Variants in GPD2 observed in about 807,000 individuals in gnomAD.
The protein encoded by GPD2 is glycerol-3-phosphate dehydrogenase, mitochondrial.
A neutral mutation model predicts 82.4 loss-of-function variants in GPD2; 54 were observed. The ratio of observed to expected loss-of-function variants is 0.66; its 90% CI spans 0.53 to 0.82. The LOEUF is 0.82. Among genes scored for constraint, GPD2 ranks in the 40% least tolerant of loss-of-function variants. The probability of loss-of-function intolerance (pLI) is 0.00; values close to 1 mark genes in which losing one functional copy is unlikely to be tolerated. For missense variants in GPD2, 748 were observed against 896.2 expected (o/e 0.83, Z 2.11); for synonymous variants, 288 against 306.1 (o/e 0.94, Z 0.62).
At chr2:156,513,274 A>G in intron 5 of GPD2, 59 bp from the exon 6 acceptor site, 1 of 1,152,284 alleles carries the variant, frequency 8.7e-7, no homozygotes, top group Admixed American at 1.7e-5. Flanking sequence ...AGTGTAAGGT[A>G]ATATTCTATA....
chr2:156,496,852 C>G (rs1285699446), intron 3 of GPD2, among the ~76,000 whole-genome samples: 1 of 54,290 alleles, frequency 1.8e-5, no homozygotes, highest in Non-Finnish European at 4.9e-5. Context: ...GTTCATGTAT[C>G]TCTTAAAATC....
At chr2:156,560,014 G>A (rs574515025) in intron 9 of GPD2, among the ~76,000 whole-genome samples, 1 of 152,272 alleles carries the variant, frequency 6.6e-6, no homozygotes, top group Admixed American at 6.5e-5. Flanking sequence ...TGGGCCTGAA[G>A]ATCAGGAAGT....
intron 1 of GPD2, among the ~76,000 whole-genome samples, chr2:156,451,912 G>A (rs1307007915): frequency 6.7e-5 from 10 of 149,170 alleles, no homozygotes; most frequent in Admixed American, 1.3e-4. Context: ...TCACCTCCCA[G>A]ACGGGGTCGC....
At chr2:156,478,667 C>T (rs1471182628) in intron 2 of GPD2, among the ~76,000 whole-genome samples, 1 of 151,882 alleles carries the variant, frequency 6.6e-6, no homozygotes, top group African/African-American at 2.4e-5. Context: ...TTCCTGACTT[C>T]AATAGTCAAA....
intron 2 of GPD2, among the ~76,000 whole-genome samples, chr2:156,480,424 G>T (rs1027288593): frequency 3.7e-5 from 5 of 135,030 alleles, no homozygotes; most frequent in African/African-American, 1.1e-4. Flanking sequence ...TAGCCCAACG[G>T]CACTGTTTAA....
At chr2:156,533,478 A>G (rs1446385997) in intron 6 of GPD2, among the ~76,000 whole-genome samples, 1 of 152,178 alleles carries the variant, frequency 6.6e-6, no homozygotes, top group Non-Finnish European at 1.5e-5. Context: ...AGTCCATTGA[A>G]TAATCTGATT....
intron 1 of GPD2, among the ~76,000 whole-genome samples, chr2:156,450,570 G>T (rs1682519129): frequency 6.6e-6 from 1 of 151,816 alleles, no homozygotes; most frequent in Non-Finnish European, 1.5e-5. Flanking sequence ...GAGGTCATTT[G>T]TGATTTTGAC....
At chr2:156,495,753 A>G (rs1204701860) in intron 2 of GPD2, 2 of 421,228 alleles carry the variant, frequency 4.7e-6, no homozygotes, top group African/African-American at 4.1e-5. Flanking sequence ...GGGAATTGCT[A>G]TACAGTGTTG....
At chr2:156,442,867 A>G (rs1312397444) in intron 1 of GPD2, among the ~76,000 whole-genome samples, 1 of 152,188 alleles carries the variant, frequency 6.6e-6, no homozygotes, top group Non-Finnish European at 1.5e-5. Flanking sequence ...GTAATGCCCA[A>G]ACTGCTTTGA....
the GPD2 span, among the ~76,000 whole-genome samples, chr2:156,426,134 G>A: frequency 0.91 from 137,608 of 151,664 alleles, 63,924 homozygotes; most frequent in East Asian, 1. Context: ...CGTTTTAGCC[G>A]GGATAGTCTC....
the GPD2 span, among the ~76,000 whole-genome samples, chr2:156,408,491 C>T: frequency 1.3e-5 from 2 of 151,840 alleles, no homozygotes; most frequent in African/African-American, 4.8e-5. Context: ...TTTGGGAGAC[C>T]GACCTGGATG....
At chr2:156,528,087 A>C (rs1685680035) in intron 6 of GPD2, among the ~76,000 whole-genome samples, 2 of 152,172 alleles carry the variant, frequency 1.3e-5, no homozygotes, top group Non-Finnish European at 2.9e-5. Context: ...AAATTGGATA[A>C]ACTGACTACT....
rs558847026 is a variant in GPD2, at chr2:156,509,591, G to A, written c.275-1205G>A. 2.6e-3 allele frequency among the ~76,000 whole-genome samples: 399 copies of A among 151,980 alleles called. 1 individual carries two copies. The highest frequency in any genetic ancestry group is 4.1e-3 in the Non-Finnish European group (277 of 67,966). Reference sequence around the variant, plus strand: ...GCTTTCATCTCTCAACTCCTGTGTGGCACTTGTAGTACTGATGGTCATCTC... The same window carrying A: ...GCTTTCATCTCTCAACTCCTGTGTGACACTTGTAGTACTGATGGTCATCTC... On this transcript the variant is annotated intron_variant, in intron 3 of 16. Transcript: ENST00000438166.
At chr2:156,405,953 T>C in the GPD2 span, among the ~76,000 whole-genome samples, 1 of 152,168 alleles carries the variant, frequency 6.6e-6, no homozygotes, top group South Asian at 2.1e-4. Flanking sequence ...TAGCTCATCA[T>C]AGAAAAGTGG....
At chr2:156,474,639 A>G (rs774930703) in intron 1 of GPD2, among the ~76,000 whole-genome samples, 80 of 152,322 alleles carry the variant, frequency 5.3e-4, no homozygotes, top group Non-Finnish European at 9.8e-4. Context: ...TAACAGTAAA[A>G]GCGGACAAAA....
intron 6 of GPD2, among the ~76,000 whole-genome samples, chr2:156,526,850 C>T (rs555061062): frequency 6.6e-6 from 1 of 152,116 alleles, no homozygotes; most frequent in South Asian, 2.1e-4. Context: ...AATAAAAGGC[C>T]ATAATGATTG....
intron 2 of GPD2, among the ~76,000 whole-genome samples, chr2:156,484,975 G>A (rs1280994768): frequency 1.3e-5 from 2 of 152,084 alleles, no homozygotes; most frequent in African/African-American, 4.8e-5. Flanking sequence ...CTATGAGTTC[G>A]ACTATTTTAA....
chr2:156,451,296 A>AC (rs536982883), intron 1 of GPD2, among the ~76,000 whole-genome samples: 29,264 of 131,724 alleles, frequency 0.22, 5,318 homozygotes, highest in Non-Finnish European at 0.33. Flanking sequence ...CGGGGGGCTG[A>AC]CCCCCCCACC....
At chr2:156,492,398 C>G (rs1684214083) in intron 2 of GPD2, among the ~76,000 whole-genome samples, 1 of 150,908 alleles carries the variant, frequency 6.6e-6, no homozygotes, top group African/African-American at 2.4e-5. Context: ...GGTGATCCTC[C>G]TGCTTTGGTC....
Sources: gnomAD v4.1 joint callset for allele counts (sites outside exome capture counted in the v4.1 genomes callset) on GRCh38, gnomAD v4.1.1 for gene constraint, MANE v1.5 for transcripts, NCBI Gene and HGNC (gene_info 2026-07-23, HGNC 2026-07-21) for gene names.